Variants in SNTG1 observed in about 807,000 individuals in gnomAD.
SNTG1 encodes the protein gamma-1-syntrophin.
In SNTG1, 39 loss-of-function variants were observed where a neutral mutation model predicts 74.7. The observed-to-expected ratio is 0.52, with a 90% CI of 0.40 to 0.68. The LOEUF (loss-of-function observed/expected upper bound fraction) is 0.68. Among genes scored for constraint, SNTG1 ranks in the 30% least tolerant of loss-of-function variants. The pLI, the probability that SNTG1 is intolerant of heterozygous loss-of-function variation, is 0.00. For missense variants in SNTG1, 685 were observed against 609.5 expected, an observed-to-expected ratio of 1.12 and a Z score of -1.30; for synonymous variants, 254 against 217.1, an observed-to-expected ratio of 1.17 and a Z score of -1.49.
intron 4 of SNTG1, among the ~76,000 whole-genome samples, chr8:50,409,917 C>T (rs1406538113): frequency 6.6e-6 from 1 of 152,146 alleles, no homozygotes; most frequent in Admixed American, 6.5e-5. Context: ...CATGACAGAA[C>T]TGTCAGATAA....
chr8:50,219,858 G>A (rs868330822), intron 2 of SNTG1, among the ~76,000 whole-genome samples: 25 of 152,062 alleles, frequency 1.6e-4, no homozygotes, highest in African/African-American at 6.0e-4. Context: ...ATTTTAAAAG[G>A]CAAATGATAG....
chr8:50,708,920 T>C lies in SNTG1; in HGVS notation c.1226T>C (p.Leu409Pro), dbSNP rs1435454174. The C allele has an allele frequency of 3.1e-6, 5 of 1,613,788 alleles. No homozygotes were observed. The African/African-American group carries it at 5.3e-5, about 17-fold the overall frequency. Residue 409 changes from leucine (L) to proline (P), a missense_variant, in exon 17 of 19, where the codon CTA (leucine) becomes CCA (proline). By Grantham distance (98) the Leu-to-Pro change is moderately conservative (BLOSUM62 -3). Transcript: ENST00000642720. ...TATGCATGTGTGCTAGAAAGTCATCTAATGGGACTCACAATTGATTTCAGC... is the reference window on the plus strand; with the variant it reads ...TATGCATGTGTGCTAGAAAGTCATCCAATGGGACTCACAATTGATTTCAGC... Reference protein sequence around the residue: ...KTYACVLESHLMGLTIDFSTG... With the variant: ...KTYACVLESHPMGLTIDFSTG...
chr8:50,148,783 T>G (rs1411542933), intron 1 of SNTG1, among the ~76,000 whole-genome samples: 1 of 152,252 alleles, frequency 6.6e-6, no homozygotes, highest in Non-Finnish European at 1.5e-5. Context: ...CCACATTTTC[T>G]TAATCCAGTC....
At chr8:49,927,769 A>G (rs572463319) in intron 1 of SNTG1, among the ~76,000 whole-genome samples, 1 of 152,210 alleles carries the variant, frequency 6.6e-6, no homozygotes, top group East Asian at 1.9e-4. Context: ...AAGTCATTAT[A>G]TGTTTGTCCA....
chr8:50,139,922 G>A (rs368157197), intron 1 of SNTG1, among the ~76,000 whole-genome samples: 4 of 152,210 alleles, frequency 2.6e-5, no homozygotes, highest in Non-Finnish European at 4.4e-5. Flanking sequence ...ATGTAGTTCA[G>A]TTTAGAATAG....
intron 15 of SNTG1, among the ~76,000 whole-genome samples, chr8:50,661,543 T>C (rs2131295646): frequency 6.6e-6 from 1 of 152,294 alleles, no homozygotes; most frequent in Non-Finnish European, 1.5e-5. Flanking sequence ...TTACTTGAAT[T>C]TTTTTAATAC....
At chr8:50,191,638 C>A (rs1441028013) in intron 2 of SNTG1, among the ~76,000 whole-genome samples, 2 of 152,048 alleles carry the variant, frequency 1.3e-5, no homozygotes, top group Admixed American at 6.6e-5. Flanking sequence ...TATACACGTG[C>A]CATGCTGGTT....
intron 4 of SNTG1, among the ~76,000 whole-genome samples, chr8:50,425,248 G>A (rs1229027355): frequency 2.8e-4 from 1 of 3,510 alleles, no homozygotes; most frequent in Non-Finnish European, 1.1e-3. Context: ...GTACCAGTCA[G>A]CAGGAGGTGA....
intron 8 of SNTG1, among the ~76,000 whole-genome samples, chr8:50,467,995 G>A (rs150478711): frequency 0.011 from 1,539 of 145,338 alleles, 15 homozygotes; most frequent in Non-Finnish European, 0.016. Flanking sequence ...GTCTGGGAAC[G>A]TATTTGTATA....
In SNTG1 at chr8:49,947,247, T is replaced by G. The variant is rs1417508074; in HGVS notation, c.-103+35016T>G. On this transcript the variant is annotated intron_variant, in intron 1 of 18. Coordinates refer to ENST00000642720, the MANE Select transcript of SNTG1 (RefSeq NM_018967.5). Reference sequence around the variant, plus strand: ...CCTGGGAGGCAGAGGTTGCAGTGAGTCAAGATCCCACCATTGCACTCCAGT... The same window carrying G: ...CCTGGGAGGCAGAGGTTGCAGTGAGGCAAGATCCCACCATTGCACTCCAGT... Among the ~76,000 whole-genome samples, 6 of 151,778 alleles carry G rather than the reference T, an allele frequency of 4.0e-5. No homozygotes were observed. The South Asian group carries it at 6.2e-4, about 16-fold the overall frequency.
chr8:50,064,535 C>T (rs1820744821), intron 1 of SNTG1, among the ~76,000 whole-genome samples: 1 of 152,222 alleles, frequency 6.6e-6, no homozygotes. Flanking sequence ...TAGAAAAAGT[C>T]ATCTTTTTAG....
At chr8:50,362,440 T>G (rs536486985) in intron 2 of SNTG1, among the ~76,000 whole-genome samples, 93 of 152,276 alleles carry the variant, frequency 6.1e-4, no homozygotes, top group Middle Eastern at 3.4e-3. Context: ...ATTGGACACT[T>G]CAAAGAATAC....
chr8:50,154,050 C>T (rs774119922), intron 1 of SNTG1, among the ~76,000 whole-genome samples: 2 of 152,162 alleles, frequency 1.3e-5, no homozygotes, highest in Admixed American at 1.3e-4. Flanking sequence ...GTGGGCTCCA[C>T]CCAGTTTGAG....
At chr8:50,724,835 T>G (rs1474621010) in intron 17 of SNTG1, among the ~76,000 whole-genome samples, 1 of 152,180 alleles carries the variant, frequency 6.6e-6, no homozygotes, top group Non-Finnish European at 1.5e-5. Flanking sequence ...TTAGATGAAT[T>G]TATGGTAGCA....
chr8:50,196,734 A>G (rs1215284258), intron 2 of SNTG1, among the ~76,000 whole-genome samples: 1 of 151,480 alleles, frequency 6.6e-6, no homozygotes, highest in Non-Finnish European at 1.5e-5. Context: ...AGGCCGGTGG[A>G]TCACTTGAGG....
intron 2 of SNTG1, among the ~76,000 whole-genome samples, chr8:50,176,833 A>G (rs1401981726): frequency 1.3e-5 from 2 of 152,102 alleles, no homozygotes; most frequent in African/African-American, 2.4e-5. Context: ...AGTCCCTTTT[A>G]TTGTTCGTAT....
rs1428076444 is a variant in SNTG1 at position 50,477,082 on chromosome 8, G to A, written c.364-25696G>A. 3.3e-5 allele frequency among the ~76,000 whole-genome samples: 5 copies of A among 152,096 alleles called. No homozygotes were observed. In the South Asian group the frequency reaches 1.0e-3, roughly 32 times the overall value. ...CATAGATGATTGAATCATTAAACTG[G>A]GGAAGAAAAGAAAAATCAGTGCAGA... is the stretch of plus-strand genomic sequence containing the variant. On this transcript the variant is annotated intron_variant, in intron 8 of 18. Coordinates refer to ENST00000642720, the MANE Select transcript of SNTG1 (RefSeq NM_018967.5).
chr8:50,538,712 T>C (rs2094325398), intron 11 of SNTG1, among the ~76,000 whole-genome samples: 2 of 152,146 alleles, frequency 1.3e-5, no homozygotes, highest in South Asian at 4.1e-4. Context: ...TAAGTCTGTA[T>C]GATTATGACT....
chr8:50,377,366 T>C (rs1003185661), intron 2 of SNTG1, among the ~76,000 whole-genome samples: 29 of 152,218 alleles, frequency 1.9e-4, no homozygotes, highest in African/African-American at 6.3e-4. Context: ...TTTCAAGTTC[T>C]TTATTCATTT....
Sources: allele counts gnomAD v4.1 joint callset (sites outside exome capture counted in the v4.1 genomes callset), GRCh38; gene constraint gnomAD v4.1.1; transcripts MANE v1.5; gene names NCBI Gene and HGNC (gene_info 2026-07-23, HGNC 2026-07-21).